The following PCNX2 variants were observed in gnomAD, a reference collection of about 807,000 sequenced individuals.
The protein encoded by PCNX2 is pecanex-like protein 2.
A neutral mutation model predicts 223.8 loss-of-function variants in PCNX2; 168 were observed. That is an observed-to-expected ratio of 0.75 (90% CI 0.66 to 0.85). The LOEUF is 0.85. PCNX2 is among the 40% of genes least tolerant of loss of function. The probability of loss-of-function intolerance (pLI) is 0.00; values close to 1 mark genes in which losing one functional copy is unlikely to be tolerated. For synonymous variants in PCNX2, 1,006 were observed against 1,052.6 expected (o/e 0.96, Z 0.86); for missense variants, 2,507 against 2,675.5 (o/e 0.94, Z 1.39).
At chr1:233,110,047 C>T (rs1368941721) in intron 21 of PCNX2, among the ~76,000 whole-genome samples, 1 of 152,104 alleles carries the variant, frequency 6.6e-6, no homozygotes, top group East Asian at 1.9e-4. Flanking sequence ...TGAGATGGTG[C>T]CACTGCACTC....
At position 233,054,432 on chromosome 1, in the gene PCNX2, G is replaced by A; in HGVS notation, c.4187C>T (p.Thr1396Ile). The A allele has an allele frequency of 3.1e-6, 5 of 1,613,812 alleles. No individual in the cohort carries two copies. Among genetic ancestry groups the A allele is most frequent in the Non-Finnish European group, 4.2e-6 (5 of 1,179,782 alleles). Residue 1396 changes from threonine to isoleucine, a missense_variant, in exon 25 of 34, where the codon ACC becomes ATC. Coordinates refer to ENST00000258229, the MANE Select transcript of PCNX2 (RefSeq NM_014801.4). ...GTCTCCACAGAGGGACTCCTGGAGG[G>A]TCCTTGTCAAGTGTTCATAAAAAAT... Reference protein sequence around the residue: ...NSIFYEHLTRTLQESLCGDLV... With the variant: ...NSIFYEHLTRILQESLCGDLV...
At chr1:233,214,465 G>A (rs1682004133) in intron 12 of PCNX2, among the ~76,000 whole-genome samples, 1 of 152,166 alleles carries the variant, frequency 6.6e-6, no homozygotes, top group Admixed American at 6.5e-5. Flanking sequence ...TGACTTGGGA[G>A]TGTGTAAAAA....
At chr1:233,054,530 G>A in intron 24 of PCNX2, 47 bp from the exon 25 acceptor site, 9 of 1,461,732 alleles carry the variant, frequency 6.2e-6, no homozygotes, top group Non-Finnish European at 8.6e-6. Flanking sequence ...ACTCCTTGCT[G>A]TGTATCCAGA....
the PCNX2 span, among the ~76,000 whole-genome samples, chr1:233,308,625 G>T: frequency 1.3e-5 from 2 of 152,062 alleles, no homozygotes; most frequent in East Asian, 1.9e-4. Flanking sequence ...AGATAAAGCT[G>T]GGTGGTAGAG....
chr1:233,280,835 A>T (rs1661158637), intron 1 of PCNX2, among the ~76,000 whole-genome samples: 1 of 152,172 alleles, frequency 6.6e-6, no homozygotes, highest in African/African-American at 2.4e-5. Context: ...AGCCTTTGTA[A>T]ATCTGTTTCT....
chr1:233,234,648 T>C (rs918999611), intron 9 of PCNX2, among the ~76,000 whole-genome samples: 3 of 152,218 alleles, frequency 2.0e-5, no homozygotes, highest in Admixed American at 1.3e-4. Flanking sequence ...TGTATACATT[T>C]GATAATCTAA....
At chr1:233,143,235 T>A (rs1473102320) in intron 19 of PCNX2, among the ~76,000 whole-genome samples, 2 of 152,234 alleles carry the variant, frequency 1.3e-5, no homozygotes, top group African/African-American at 4.8e-5. Flanking sequence ...AGAGTCATCC[T>A]AAATCAGCTC....
intron 23 of PCNX2, among the ~76,000 whole-genome samples, chr1:233,074,463 C>T (rs1672997086): frequency 1.3e-5 from 2 of 150,620 alleles, no homozygotes; most frequent in South Asian, 2.1e-4. Flanking sequence ...GGCGTAGTGG[C>T]GGGCGCCTGT....
intron 4 of PCNX2, among the ~76,000 whole-genome samples, chr1:233,260,672 T>A (rs1659997551): frequency 6.6e-6 from 1 of 152,170 alleles, no homozygotes; most frequent in Non-Finnish European, 1.5e-5. Context: ...AACTTTACAT[T>A]ATTTTCAAAA....
intron 7 of PCNX2, 65 bp from the exon 8 acceptor site, chr1:233,250,897 T>C: frequency 6.8e-7 from 1 of 1,477,800 alleles, no homozygotes; most frequent in South Asian, 1.3e-5. Context: ...CGTTTCAACT[T>C]ATACAATTTT....
At chr1:233,213,190 C>G (rs938430435) in intron 12 of PCNX2, among the ~76,000 whole-genome samples, 1 of 152,024 alleles carries the variant, frequency 6.6e-6, no homozygotes, top group African/African-American at 2.4e-5. Flanking sequence ...TCCACCTCAC[C>G]CTATATATTT....
intron 26 of PCNX2, 116 bp downstream of exon 26, chr1:233,025,030 C>T: frequency 1.4e-6 from 2 of 1,402,348 alleles, no homozygotes; most frequent in Non-Finnish European, 1.9e-6. Flanking sequence ...GCTGGGTTTC[C>T]AATTCGGAAG....
chr1:233,324,928 G>T, the PCNX2 span, among the ~76,000 whole-genome samples: 2 of 152,064 alleles, frequency 1.3e-5, no homozygotes, highest in Non-Finnish European at 2.9e-5. Context: ...AAGAGCTATT[G>T]CTCAGAAAAA....
intron 19 of PCNX2, 134 bp downstream of exon 19, chr1:233,160,149 A>T: frequency 6.3e-6 from 6 of 945,082 alleles, no homozygotes; most frequent in Non-Finnish European, 9.3e-6. Context: ...AAATACACAT[A>T]ATGTACCATC....
At chr1:233,166,141 T>C (rs958744478) in intron 17 of PCNX2, among the ~76,000 whole-genome samples, 4 of 152,078 alleles carry the variant, frequency 2.6e-5, no homozygotes, top group Non-Finnish European at 5.9e-5. Flanking sequence ...GATAATCTTT[T>C]CTATGAAAGG....
intron 25 of PCNX2, among the ~76,000 whole-genome samples, chr1:233,043,549 C>T (rs994069667): frequency 8.4e-5 from 12 of 143,368 alleles, no homozygotes; most frequent in African/African-American, 3.1e-4. Context: ...AAAGCTATCC[C>T]TCCTCCCTCC....
At chr1:233,124,926 C>T (rs1676013586) in intron 21 of PCNX2, among the ~76,000 whole-genome samples, 1 of 152,230 alleles carries the variant, frequency 6.6e-6, no homozygotes, top group African/African-American at 2.4e-5. Flanking sequence ...GAAAGACAGC[C>T]TCACTGAATT....
intron 23 of PCNX2, among the ~76,000 whole-genome samples, chr1:233,081,024 T>C (rs1673333339): frequency 6.6e-6 from 1 of 152,236 alleles, no homozygotes; most frequent in Non-Finnish European, 1.5e-5. Flanking sequence ...TAGCCTCAAA[T>C]AGGGATTTCT....
chr1:233,280,976 T>A (rs544141684), intron 1 of PCNX2, among the ~76,000 whole-genome samples: 1 of 52,356 alleles, frequency 1.9e-5, no homozygotes, highest in Admixed American at 2.1e-4. Context: ...ATCACCATCA[T>A]GATCATCATC....
Sources: gnomAD v4.1 joint callset for allele counts (sites outside exome capture counted in the v4.1 genomes callset) on GRCh38, gnomAD v4.1.1 for gene constraint, MANE v1.5 for transcripts, NCBI Gene and HGNC (gene_info 2026-07-23, HGNC 2026-07-21) for gene names.